Variants in PHLPP1 observed in about 807,000 individuals in gnomAD.
PHLPP1 encodes the protein PH domain and leucine rich repeat protein phosphatase 1, also known as PH domain leucine-rich repeat-containing protein phosphatase 1.
In PHLPP1, 42 loss-of-function variants were observed where a neutral mutation model predicts 117.2. That is an observed-to-expected ratio of 0.36 (90% CI 0.28 to 0.46). The LOEUF (loss-of-function observed/expected upper bound fraction) is 0.46, where lower values mean the gene tolerates loss of function less well. Ranked by LOEUF, PHLPP1 falls within the 20% of genes least tolerant of loss-of-function variation. PHLPP1 has a pLI of 1.00. For synonymous variants in PHLPP1, 1,042 were observed against 970.7 expected (o/e 1.07, Z -1.37); for missense variants, 2,084 against 2,241.9 (o/e 0.93, Z 1.42).
intron 1 of PHLPP1, among the ~76,000 whole-genome samples, chr18:62,774,505 T>C (rs1912891004): frequency 6.6e-6 from 1 of 152,204 alleles, no homozygotes; most frequent in Non-Finnish European, 1.5e-5. Context: ...GACATAGAGG[T>C]CATTTAGTAA....
chr18:62,748,194 A>G (rs910153539), intron 1 of PHLPP1, among the ~76,000 whole-genome samples: 1 of 151,400 alleles, frequency 6.6e-6, no homozygotes, highest in African/African-American at 2.4e-5. Flanking sequence ...AATTCAATGT[A>G]TTTTGAGGCT....
chr18:62,978,515 A>G lies in PHLPP1; in HGVS notation c.4238A>G (p.Asp1413Gly), dbSNP rs1599151215. ...CTGGCCCAGAGCTACGGCTGCCACG[A>G]CAGCATCAGCGCTGTGGTGGTGCAG... The part of the protein sequence containing the change: ...CTLAQSYGCH[D>G]SISAVVVQLS... The change falls in exon 17 of 17, where the codon GAC becomes GGC. Residue 1413 changes from aspartate to glycine, a missense_variant. Asp to Gly is a moderately conservative substitution (Grantham distance 94, BLOSUM62 -1). This residue lies in a region of PHLPP1 where 1,365 missense variants were observed against 1,605.9 expected (regional missense o/e 0.85). Coordinates refer to ENST00000262719, the MANE Select transcript of PHLPP1 (RefSeq NM_194449.4). The surrounding 1 kb of genome is among the most constrained non-coding windows in gnomAD (Gnocchi z 7.0). 6.2e-7 allele frequency: 1 copy of G among 1,610,194 alleles called. No homozygotes were observed. Among genetic ancestry groups the G allele is most frequent in the Non-Finnish European group, 8.5e-7 (1 of 1,178,212 alleles).
Position 62,715,645 on chromosome 18 carries a change from G to A in PHLPP1, c.-39G>A. 8.0e-7 allele frequency: 1 copy of A among 1,252,910 alleles called. No individual in the cohort carries two copies. The highest frequency in any genetic ancestry group is 1.0e-6 in the Non-Finnish European group (1 of 997,890). The allele number at this position is 1,252,910 out of a possible 1,614,324, so 77.6% of individuals were successfully genotyped here. A position where few individuals can be genotyped will look rare whatever the true frequency, so the allele number is the denominator to read the frequency against. ...CTCATCGCCTCCCTCTCCGCCCGCTGCCTCCGGAGCTGGGGGGGAAACGCG... is the reference window on the plus strand; with the variant it reads ...CTCATCGCCTCCCTCTCCGCCCGCTACCTCCGGAGCTGGGGGGGAAACGCG... On this transcript the variant is annotated 5_prime_UTR_variant, in exon 1 of 17. Coordinates refer to ENST00000262719, the MANE Select transcript of PHLPP1 (RefSeq NM_194449.4).
chr18:62,808,484 A>T (rs1914015839), intron 1 of PHLPP1, among the ~76,000 whole-genome samples: 2 of 152,250 alleles, frequency 1.3e-5, no homozygotes, highest in Middle Eastern at 3.4e-3. Flanking sequence ...GATACTTTTT[A>T]ATAGTTCTCT....
At chr18:62,861,942 C>T (rs766272775) in intron 4 of PHLPP1, among the ~76,000 whole-genome samples, 1 of 152,162 alleles carries the variant, frequency 6.6e-6, no homozygotes, top group East Asian at 1.9e-4. Context: ...TGACTCTTTA[C>T]CCATGCATCA....
At chr18:62,787,951 T>C (rs1216651713) in intron 1 of PHLPP1, among the ~76,000 whole-genome samples, 2 of 152,218 alleles carry the variant, frequency 1.3e-5, no homozygotes, top group African/African-American at 4.8e-5. Context: ...TTTAGAGTCT[T>C]TATCCAGACT....
At chr18:62,956,040 A>G (rs2039731372) in intron 12 of PHLPP1, among the ~76,000 whole-genome samples, 2 of 151,412 alleles carry the variant, frequency 1.3e-5, no homozygotes, top group South Asian at 2.1e-4. Flanking sequence ...TGAAAAAAAC[A>G]AAACAAAGCA....
At chr18:62,916,273 T>C (rs1166042371) in intron 9 of PHLPP1, among the ~76,000 whole-genome samples, 1 of 151,940 alleles carries the variant, frequency 6.6e-6, no homozygotes, top group Non-Finnish European at 1.5e-5. Flanking sequence ...ATTAATTACA[T>C]GTTAATATTT....
At chr18:62,958,494 C>T (rs921837760) in intron 12 of PHLPP1, 135 bp from the exon 13 acceptor site, 2 of 739,690 alleles carry the variant, frequency 2.7e-6, no homozygotes, top group African/African-American at 3.5e-5. Context: ...AACAGATAAG[C>T]CTCCTTTTCC....
chr18:62,880,401 TG>T (rs1482828287), intron 4 of PHLPP1, among the ~76,000 whole-genome samples: 1 of 152,238 alleles, frequency 6.6e-6, no homozygotes, highest in African/African-American at 2.4e-5. Context: ...TATATCTTTA[TG>T]TGACTTGAGT....
chr18:62,860,835 G>A (rs1250140335), intron 4 of PHLPP1, among the ~76,000 whole-genome samples: 1 of 152,156 alleles, frequency 6.6e-6, no homozygotes, highest in Non-Finnish European at 1.5e-5. Flanking sequence ...TAACTGGATA[G>A]AGTTGTGTAA....
chr18:62,946,563 C>T (rs770313879), intron 12 of PHLPP1, among the ~76,000 whole-genome samples: 2 of 151,542 alleles, frequency 1.3e-5, no homozygotes, highest in East Asian at 2.0e-4. Flanking sequence ...CCACCATGCC[C>T]GGCCGGCTTG....
chr18:62,929,840 T>C (rs1909755616), intron 10 of PHLPP1, among the ~76,000 whole-genome samples: 1 of 152,164 alleles, frequency 6.6e-6, no homozygotes, highest in Admixed American at 6.5e-5. Flanking sequence ...TCACAGCTGC[T>C]TGAGAGGCTG....
chr18:62,832,758 T>A (rs897753849), intron 2 of PHLPP1, among the ~76,000 whole-genome samples: 5 of 152,138 alleles, frequency 3.3e-5, no homozygotes, highest in Admixed American at 6.5e-5. Flanking sequence ...TGTTTTTTTT[T>A]ATCCTGTTCT....
rs3217528 is a variant in PHLPP1 at position 62,905,204 on chromosome 18, G to GTT, written c.2648-10_2648-9dup. 8.6e-5 allele frequency: 111 copies of GTT among 1,294,648 alleles called. No individual in the cohort carries two copies. The highest frequency in any genetic ancestry group is 3.7e-4 in the South Asian group (22 of 59,756). 80.2% of individuals were successfully genotyped at this position (1,294,648 alleles called of 1,614,324 possible). ...ATTTGTATAGTAATGTCTTTGTGGG[G>GTT]TTTTTTTTTTTCTTCCTAGAACTTG... is the stretch of plus-strand genomic sequence containing the variant. On this transcript the variant is annotated intron_variant, in intron 7 of 16. Transcript: ENST00000262719.
intron 1 of PHLPP1, among the ~76,000 whole-genome samples, chr18:62,786,533 G>C (rs970581721): frequency 6.6e-6 from 1 of 152,110 alleles, no homozygotes; most frequent in Non-Finnish European, 1.5e-5. Context: ...CAAAGTTACT[G>C]TTCCCATTGT....
chr18:62,721,212 G>A (rs1599012128), intron 1 of PHLPP1, among the ~76,000 whole-genome samples: 1 of 152,028 alleles, frequency 6.6e-6, no homozygotes, highest in African/African-American at 2.4e-5. Flanking sequence ...GAACCAAGAC[G>A]GACAAATAAG....
rs1418244541 is a variant in PHLPP1, at chr18:62,903,248, C to A, written c.2647+82C>A. On this transcript the variant is annotated intron_variant, in intron 7 of 16. Transcript: ENST00000262719. The stretch of plus-strand genomic sequence containing the variant: ...ATCATTATTTCTGCTTCTGATTATT[C>A]TTTGCTCAAGTAGTTAGTAAAATAG... The A allele has an allele frequency of 7.2e-6, 7 of 973,920 alleles. 2 individuals are homozygous for A. The African/African-American group carries it at 1.1e-4, about 16-fold the overall frequency. The allele number at this position is 973,920 out of a possible 1,614,324, so 60.3% of individuals were successfully genotyped here.
rs1488868554 is a variant in PHLPP1 at position 62,716,891 on chromosome 18, C to T, written c.1208C>T (p.Pro403Leu). Residue 403 changes from proline to leucine, a missense_variant, in exon 1 of 17, where the codon CCC (proline) becomes CTC (leucine). Physicochemically the swap from Pro to Leu is moderately conservative, Grantham distance 98. Around this residue, in one of 2 missense-constraint regions of PHLPP1, gnomAD observed 719 missense variants for 636.0 expected, o/e 1.13. Transcript: ENST00000262719. This position sits in a 1 kb window ranked among gnomAD's most constrained non-coding sequence, Gnocchi z 5.7. ...CGCCGTCCCGGCCACCCCGCGCAGC[C>T]CCTCCCGCTTCCCCAGACGGCTTCC... The part of the protein sequence containing the change: ...QPRRPGHPAQ[P>L]LPLPQTASSP... 8.5e-6 allele frequency: 13 copies of T among 1,530,000 alleles called. No homozygotes were observed. Among genetic ancestry groups the T allele is most frequent in the African/African-American group, 1.4e-5 (1 of 71,844 alleles). 94.8% of individuals were successfully genotyped at this position (1,530,000 alleles called of 1,614,324 possible).
Sources: allele counts gnomAD v4.1 joint callset (sites outside exome capture counted in the v4.1 genomes callset), GRCh38; gene constraint gnomAD v4.1.1; regional missense constraint gnomAD v4.1.1; non-coding constraint Gnocchi (gnomAD v3.1); transcripts MANE v1.5; gene names NCBI Gene and HGNC (gene_info 2026-07-23, HGNC 2026-07-21).